The following NPC1 variants were observed in gnomAD, a reference collection of about 807,000 sequenced individuals.
NPC1 encodes the protein NPC intracellular cholesterol transporter 1.
In NPC1, 85 loss-of-function variants were observed where a neutral mutation model predicts 140.4. The observed-to-expected ratio is 0.61, with a 90% CI of 0.51 to 0.72. The LOEUF (loss-of-function observed/expected upper bound fraction) is 0.72, where lower values mean the gene tolerates loss of function less well. Ranked by LOEUF, NPC1 falls within the 30% of genes least tolerant of loss-of-function variation. The probability of loss-of-function intolerance (pLI) is 0.00; values close to 1 mark genes in which losing one functional copy is unlikely to be tolerated. For missense variants in NPC1, 1,504 were observed against 1,623.8 expected (o/e 0.93, Z 1.27); for synonymous variants, 656 against 624.8 (o/e 1.05, Z -0.74).
chr18:23,525,637 A>C (rs915636739), downstream of NPC1, among the ~76,000 whole-genome samples: 8 of 151,810 alleles, frequency 5.3e-5, no homozygotes, highest in Non-Finnish European at 1.2e-4. Context: ...GTTGGCCAGG[A>C]TGGTCTCGAT....
rs1032730717 is a variant in NPC1, at chr18:23,513,296, A to G, written c.432-6654T>C. Among the ~76,000 whole-genome samples the G allele has an allele frequency of 4.6e-5, 7 of 152,342 alleles. No homozygotes were observed. The East Asian group carries it at 1.3e-3, about 29-fold the overall frequency. On this transcript the variant is annotated intron_variant, in intron 3 of 3. Transcript: ENST00000591107. ...ATACTTCATATAAGTGAAATTATAC[A>G]GTATTTGTCCCTTTGTGACTGGCTT...
intron 2 of NPC1, among the ~76,000 whole-genome samples, chr18:23,572,646 C>T (rs915340821): frequency 1.1e-4 from 12 of 108,240 alleles, no homozygotes; most frequent in African/African-American, 3.7e-4. Flanking sequence ...CCAGGCTAGG[C>T]AACATGGTGA....
chr18:23,524,817 G>A (rs921863838), downstream of NPC1, among the ~76,000 whole-genome samples: 20 of 151,874 alleles, frequency 1.3e-4, no homozygotes, highest in African/African-American at 3.9e-4. Flanking sequence ...CCTTCCCACC[G>A]GTGTCCGTGC....
At chr18:23,528,146 CTG>C (rs145457752), downstream of NPC1, 666 of 402,858 alleles carry the variant, frequency 1.7e-3, 5 homozygotes, top group African/African-American at 0.013. Context: ...TTTTTCCCAT[CTG>C]TGTTTGATCT....
downstream of NPC1, chr18:23,530,335 A>C (rs374571493): frequency 3.1e-6 from 5 of 1,614,048 alleles, no homozygotes; most frequent in Non-Finnish European, 3.4e-6. Context: ...TATGGAAACT[A>C]ACTCTGTTCC....
chr18:23,548,236 A>G (rs534099244), intron 10 of NPC1, 128 bp from the exon 11 acceptor site: 21 of 711,780 alleles, frequency 3.0e-5, no homozygotes, highest in Middle Eastern at 7.3e-4. Context: ...GGCTCTAAGA[A>G]TTAAACAAGA....
chr18:23,567,215 G>A (rs529821846), intron 4 of NPC1, among the ~76,000 whole-genome samples: 17 of 152,284 alleles, frequency 1.1e-4, no homozygotes, highest in South Asian at 2.1e-4. Flanking sequence ...GATTAGTTTT[G>A]TAAGAAACCG....
chr18:23,544,949 C>CCCG lies in NPC1; in HGVS notation c.1947+10_1947+11insCGG, dbSNP rs1555634676. ...AACCTCTAGAACATACACCACCCCC[C>CCCG]CCCGGCTTACCAGAAGCCTGCGACA... is the stretch of plus-strand genomic sequence containing the variant. On this transcript the variant is annotated intron_variant, in intron 12 of 24. Coordinates refer to ENST00000269228, the MANE Select transcript of NPC1 (RefSeq NM_000271.5). 46 of 1,402,100 alleles carry CCCG rather than the reference C, an allele frequency of 3.3e-5. 2 individuals are homozygous for CCCG. The African/African-American group carries it at 3.9e-4, about 12-fold the overall frequency. 86.9% of individuals were successfully genotyped at this position (1,402,100 alleles called of 1,614,324 possible).
intron 2 of NPC1, 80 bp from the exon 3 acceptor site, chr18:23,572,260 T>C: frequency 1.1e-6 from 1 of 884,264 alleles, no homozygotes; most frequent in Non-Finnish European, 1.9e-6. Flanking sequence ...CTAAGACACA[T>C]TCATTCATGT....
chr18:23,516,555 G>C, intron 3 of NPC1: 1 of 838,210 alleles, frequency 1.2e-6, no homozygotes, highest in East Asian at 2.7e-5. Flanking sequence ...CTTGTTCTGG[G>C]TATTCAGTGT....
chr18:23,544,484 C>T lies in NPC1; in HGVS notation c.1990G>A (p.Val664Met), dbSNP rs376213990. ...AAGGAGCAAGCCACCGAGCTCAGCA[C>T]GATCAAGATGCCCGCGATGCCTAGT... ...VSLGIAGILI[V>M]LSSVACSLGV... Residue 664 changes from valine to methionine, a missense_variant, in exon 13 of 25, where the codon GTG becomes ATG. Transcript: ENST00000269228. 22 of 1,614,092 alleles carry T rather than the reference C, an allele frequency of 1.4e-5. No individual in the cohort carries two copies. The highest frequency in any genetic ancestry group is 1.6e-4 in the Middle Eastern group (1 of 6,082).
intron 1 of NPC1, among the ~76,000 whole-genome samples, chr18:23,575,769 C>CAAAAAA (rs35922440): frequency 0.057 from 2,009 of 35,092 alleles, 227 homozygotes; most frequent in Middle Eastern, 0.094. Flanking sequence ...CAGAGAAGAC[C>CAAAAAA]AAAAAAAAAA....
At chr18:23,574,540 C>A (rs1001521565) in intron 1 of NPC1, among the ~76,000 whole-genome samples, 5 of 152,176 alleles carry the variant, frequency 3.3e-5, no homozygotes, top group African/African-American at 1.2e-4. Flanking sequence ...CTAAGTCAGT[C>A]TGTGTTGGTC....
intron 11 of NPC1, among the ~76,000 whole-genome samples, 199 bp from the exon 12 acceptor site, chr18:23,545,348 T>C (rs548804885): frequency 2.0e-4 from 30 of 152,330 alleles, no homozygotes; most frequent in African/African-American, 7.2e-4. Context: ...GTTTGAGTGC[T>C]TCTCCTGCCC....
intron 1 of NPC1, chr18:23,576,421 C>CAA: frequency 1.1e-6 from 1 of 947,202 alleles, no homozygotes; most frequent in Non-Finnish European, 1.3e-6. Flanking sequence ...AAACTGGTCT[C>CAA]AAAAAAAAAG....
chr18:23,586,256 C>A (rs2059417305), intron 1 of NPC1, 31 bp downstream of exon 1: 1 of 1,531,088 alleles, frequency 6.5e-7, no homozygotes. Context: ...CACGTCCCCA[C>A]AGGGCGTCCC....
At position 23,557,028 on chromosome 18, in the gene NPC1, C is replaced by T. The variant is rs1322555977; in HGVS notation, c.955+89G>A. On this transcript the variant is annotated intron_variant, in intron 7 of 24. Coordinates refer to ENST00000269228, the MANE Select transcript of NPC1 (RefSeq NM_000271.5). ...TCCTCGGCACTGGCACACCACCTCACCCACTGCTGCAACCCCACTGAGGAA... is the reference window on the plus strand; with the variant it reads ...TCCTCGGCACTGGCACACCACCTCATCCACTGCTGCAACCCCACTGAGGAA... 7 of 1,085,780 alleles carry T rather than the reference C, an allele frequency of 6.4e-6. No homozygotes were observed. The East Asian group carries it at 1.7e-4, about 27-fold the overall frequency. The allele number at this position is 1,085,780 out of a possible 1,614,324, so 67.3% of individuals were successfully genotyped here. A position where few individuals can be genotyped will look rare whatever the true frequency, so the allele number is the denominator to read the frequency against.
chr18:23,519,882 C>T (rs538674739), downstream of NPC1, among the ~76,000 whole-genome samples: 2 of 152,254 alleles, frequency 1.3e-5, no homozygotes, highest in East Asian at 3.9e-4. Flanking sequence ...CTCTACCCTC[C>T]CAGAGGGTGG....
Position 23,536,894 on chromosome 18 carries a change from G to A in NPC1, c.3042-18C>T, listed in dbSNP as rs370846875. 3.2e-5 allele frequency: 51 copies of A among 1,605,126 alleles called. No homozygotes were observed. The highest frequency in any genetic ancestry group is 1.8e-4 in the Middle Eastern group (1 of 5,524). ...CATGTCCCCTGAGGAAAGAATCCTG[G>A]GTGTCAAGAGAGTCCAGGTCTTGCA... On this transcript the variant is annotated intron_variant, in intron 20 of 24. Coordinates refer to ENST00000269228, the MANE Select transcript of NPC1 (RefSeq NM_000271.5).
Sources: allele counts gnomAD v4.1 joint callset (sites outside exome capture counted in the v4.1 genomes callset), GRCh38; gene constraint gnomAD v4.1.1; transcripts MANE v1.5; gene names NCBI Gene and HGNC (gene_info 2026-07-23, HGNC 2026-07-21).